KCNMA1: variants seen among roughly 807,000 people sequenced by gnomAD.
KCNMA1 encodes potassium calcium-activated channel subfamily M alpha 1, also known as Calcium-activated potassium channel subunit alpha-1.
A neutral mutation model predicts 140.0 loss-of-function variants in KCNMA1; 29 were observed. The ratio of observed to expected loss-of-function variants is 0.21; its 90% CI spans 0.15 to 0.28. The LOEUF is 0.28. KCNMA1 is among the 10% of genes least tolerant of loss of function. The pLI is 1.00. For synonymous variants in KCNMA1, 612 were observed against 611.9 expected (o/e 1.00, Z 0.00); for missense variants, 880 against 1,602.2 (o/e 0.55, Z 7.70).
At chr10:77,573,646 T>TGG in intron 1 of KCNMA1, among the ~76,000 whole-genome samples, 1 of 50,362 alleles carries the variant, frequency 2.0e-5, no homozygotes, top group African/African-American at 7.4e-5. Flanking sequence ...TGGAATGGAA[T>TGG]AGAATAGAAT....
rs149076555 is a variant in KCNMA1 at position 77,362,442 on chromosome 10, C to T, written c.540+41420G>A. ...AGCCAGAAAGATTTGCATTCAAATC[C>T]AGGTTGTGTCACTTCCTGCCCATAT... On this transcript the variant is annotated intron_variant, in intron 2 of 27. Coordinates refer to ENST00000286628, the MANE Select transcript of KCNMA1 (RefSeq NM_001161352.2). 2.1e-3 allele frequency among the ~76,000 whole-genome samples: 306 copies of T among 148,804 alleles called. 1 individual carries two copies. The highest frequency in any genetic ancestry group is 7.1e-3 in the African/African-American group (286 of 40,490).
At chr10:77,362,629 A>C (rs2094066746) in intron 2 of KCNMA1, among the ~76,000 whole-genome samples, 1 of 152,012 alleles carries the variant, frequency 6.6e-6, no homozygotes, top group Non-Finnish European at 1.5e-5. Flanking sequence ...GCCCTGCCTG[A>C]CGTCCTGCCT....
At chr10:77,447,443 A>G (rs895514853) in intron 1 of KCNMA1, among the ~76,000 whole-genome samples, 3 of 152,202 alleles carry the variant, frequency 2.0e-5, no homozygotes, top group Non-Finnish European at 4.4e-5. Flanking sequence ...TCTGCCACAA[A>G]AGGTGCTCAA....
intron 3 of KCNMA1, among the ~76,000 whole-genome samples, chr10:77,227,868 T>TA (rs2052054020): frequency 6.6e-6 from 1 of 152,092 alleles, no homozygotes; most frequent in African/African-American, 2.4e-5. Context: ...AAGAAGGGGG[T>TA]AATACTGCTA....
chr10:77,132,465 G>A (rs538764506), intron 5 of KCNMA1, among the ~76,000 whole-genome samples: 30 of 151,484 alleles, frequency 2.0e-4, no homozygotes, highest in East Asian at 3.9e-4. Flanking sequence ...GTCCTAGACC[G>A]AAAGAATGAC....
intron 2 of KCNMA1, among the ~76,000 whole-genome samples, chr10:77,312,712 G>T (rs2079655765): frequency 6.6e-6 from 1 of 152,190 alleles, no homozygotes; most frequent in Non-Finnish European, 1.5e-5. Flanking sequence ...CTCATTGTTG[G>T]AAGTACAAGC....
intron 2 of KCNMA1, among the ~76,000 whole-genome samples, chr10:77,359,134 C>T (rs905730870): frequency 6.6e-6 from 1 of 152,188 alleles, no homozygotes; most frequent in Admixed American, 6.5e-5. Flanking sequence ...TCCTGTTCTA[C>T]CCCATTTAAC....
intron 14 of KCNMA1, chr10:77,063,741 C>T: frequency 2.0e-6 from 2 of 985,318 alleles, no homozygotes; most frequent in Non-Finnish European, 2.4e-6. Flanking sequence ...GTAACAATCA[C>T]TAACAGTGGA....
intron 9 of KCNMA1, among the ~76,000 whole-genome samples, chr10:77,097,341 T>C (rs7096201): frequency 1.5e-3 from 229 of 152,322 alleles, no homozygotes; most frequent in African/African-American, 5.3e-3. Flanking sequence ...AGGGGAGACA[T>C]CATGGGCAAA....
In KCNMA1 at chr10:77,570,619, G is replaced by T. The variant is rs2070786975; in HGVS notation, c.378+66646C>A. 2.5e-5 allele frequency among the ~76,000 whole-genome samples: 3 copies of T among 118,578 alleles called. No individual in the cohort carries two copies. The South Asian group carries it at 9.6e-4, about 38-fold the overall frequency. The allele number at this position is 118,578 out of a possible 152,430, so 77.8% of individuals were successfully genotyped here. ...GGGGGAGGGGGGAGGGATAGCATTG[G>T]GAGATATACCTAATGCTAGATGACG... On this transcript the variant is annotated intron_variant, in intron 1 of 27. Coordinates refer to ENST00000286628, the MANE Select transcript of KCNMA1 (RefSeq NM_001161352.2).
At chr10:77,301,909 A>G (rs893818405) in intron 2 of KCNMA1, among the ~76,000 whole-genome samples, 1 of 151,234 alleles carries the variant, frequency 6.6e-6, no homozygotes, top group African/African-American at 2.4e-5. Context: ...CAGAGAGCCT[A>G]TGGGGACTCA....
At chr10:77,174,078 C>T (rs1336899608) in intron 5 of KCNMA1, among the ~76,000 whole-genome samples, 1 of 152,108 alleles carries the variant, frequency 6.6e-6, no homozygotes, top group Non-Finnish European at 1.5e-5. Flanking sequence ...GCACCAGAGA[C>T]CTTTCCTTTC....
intron 5 of KCNMA1, among the ~76,000 whole-genome samples, chr10:77,170,680 A>G (rs983719441): frequency 6.6e-6 from 1 of 152,130 alleles, no homozygotes; most frequent in African/African-American, 2.4e-5. Context: ...CCCTGTATCT[A>G]TTTTCCTGAA....
chr10:77,348,404 G>T (rs2092461840), intron 2 of KCNMA1, among the ~76,000 whole-genome samples: 2 of 152,176 alleles, frequency 1.3e-5, no homozygotes, highest in African/African-American at 4.8e-5. Context: ...CTCTGATTCA[G>T]ATCAGGAGAG....
chr10:77,166,301 G>C (rs1246280571), intron 5 of KCNMA1, among the ~76,000 whole-genome samples: 2 of 152,138 alleles, frequency 1.3e-5, no homozygotes, highest in African/African-American at 4.8e-5. Context: ...TTTTACGTTT[G>C]CTAAAATATT....
At chr10:76,903,454 GA>G (rs1278412564) in intron 25 of KCNMA1, 48 of 152,156 alleles carry the variant, frequency 3.2e-4, no homozygotes, top group Non-Finnish European at 1.6e-4. Flanking sequence ...CGTGAGGGAT[GA>G]AAATGATTGG....
chr10:77,044,605 C>T (rs529709300), intron 14 of KCNMA1, among the ~76,000 whole-genome samples: 9 of 152,190 alleles, frequency 5.9e-5, no homozygotes, highest in South Asian at 2.1e-4. Context: ...GCTATGACTG[C>T]GCCACTGCAC....
chr10:76,872,518 G>A (rs2031543919), downstream of KCNMA1: 1 of 152,096 alleles, frequency 6.6e-6, no homozygotes, highest in African/African-American at 2.4e-5. Context: ...CTTTATCTAG[G>A]CCTTTAGACT....
At chr10:77,524,893 G>A (rs1210949287) in intron 1 of KCNMA1, among the ~76,000 whole-genome samples, 1 of 152,134 alleles carries the variant, frequency 6.6e-6, no homozygotes, top group Non-Finnish European at 1.5e-5. Context: ...TCTAAACACT[G>A]GGGTCGAGGG....
Sources: gnomAD v4.1 joint callset for allele counts (sites outside exome capture counted in the v4.1 genomes callset) on GRCh38, gnomAD v4.1.1 for gene constraint, MANE v1.5 for transcripts, NCBI Gene and HGNC (gene_info 2026-07-23, HGNC 2026-07-21) for gene names.